Variants in SYN2 observed in about 807,000 individuals in gnomAD.
The protein encoded by SYN2 is synapsin II, also known as synapsin-2.
SYN2 carries 19 observed loss-of-function variants against 50.9 expected under a neutral mutation model. The ratio of observed to expected loss-of-function variants is 0.37; its 90% CI spans 0.26 to 0.55. The LOEUF (loss-of-function observed/expected upper bound fraction) is 0.55. Among genes scored for constraint, SYN2 ranks in the 20% least tolerant of loss-of-function variants. SYN2 has a pLI of 0.81. For synonymous variants in SYN2, 255 were observed against 224.9 expected (o/e 1.13, Z -1.20); for missense variants, 587 against 576.4 (o/e 1.02, Z -0.19).
intron 12 of SYN2, among the ~76,000 whole-genome samples, chr3:12,188,167 C>T (rs1698382921): frequency 6.6e-6 from 1 of 152,234 alleles, no homozygotes; most frequent in African/African-American, 2.4e-5. Flanking sequence ...AGGTCAGTTT[C>T]TGGTGTGGGC....
chr3:12,141,218 C>T (rs1398342181), intron 2 of SYN2, among the ~76,000 whole-genome samples: 1 of 148,764 alleles, frequency 6.7e-6, no homozygotes, highest in Admixed American at 6.6e-5. Flanking sequence ...TTTTTTTAAC[C>T]TTCCTCCATC....
intron 7 of SYN2, among the ~76,000 whole-genome samples, chr3:12,163,111 G>A (rs1030442985): frequency 3.9e-5 from 6 of 151,960 alleles, no homozygotes; most frequent in Non-Finnish European, 7.4e-5. Context: ...ACGTGGTGGT[G>A]GGCGCCTCTA....
intron 1 of SYN2, among the ~76,000 whole-genome samples, chr3:12,093,664 T>G (rs1443324525): frequency 6.6e-6 from 1 of 152,184 alleles, no homozygotes; most frequent in East Asian, 1.9e-4. Flanking sequence ...AATCAGTTGC[T>G]CTCATCACTG....
At chr3:12,114,067 A>C (rs1696380298) in intron 1 of SYN2, among the ~76,000 whole-genome samples, 3 of 150,226 alleles carry the variant, frequency 2.0e-5, no homozygotes, top group African/African-American at 7.3e-5. Flanking sequence ...GAAAGTTTCC[A>C]TTTTTCCACA....
intron 1 of SYN2, chr3:12,070,228 G>A: frequency 2.4e-6 from 1 of 423,972 alleles, no homozygotes; most frequent in Non-Finnish European, 4.7e-6. Context: ...TGTCACAATG[G>A]AAGAAGAGAT....
At chr3:12,007,585 G>C (rs1037353878) in intron 1 of SYN2, among the ~76,000 whole-genome samples, 1 of 152,296 alleles carries the variant, frequency 6.6e-6, no homozygotes, top group Admixed American at 6.5e-5. Context: ...GAGTGATATC[G>C]TATATGCCCT....
chr3:12,190,319 T>C (rs189857376), intron 12 of SYN2, among the ~76,000 whole-genome samples, 171 bp from the exon 13 acceptor site: 40 of 152,278 alleles, frequency 2.6e-4, no homozygotes, highest in Non-Finnish European at 4.7e-4. Flanking sequence ...GGAAGTAGCG[T>C]AGGAGTCTCC....
At chr3:12,095,166 G>A (rs760948765) in intron 1 of SYN2, among the ~76,000 whole-genome samples, 3 of 151,954 alleles carry the variant, frequency 2.0e-5, no homozygotes, top group Non-Finnish European at 4.4e-5. Flanking sequence ...ATGTCACTTT[G>A]TTCTCACCTT....
intron 1 of SYN2, among the ~76,000 whole-genome samples, chr3:12,068,668 T>C (rs1371316736): frequency 6.6e-6 from 1 of 151,894 alleles, no homozygotes; most frequent in South Asian, 2.1e-4. Flanking sequence ...TTTTCTCTTC[T>C]GTTTTTCATT....
intron 1 of SYN2, among the ~76,000 whole-genome samples, chr3:12,135,923 CAAT>C (rs1696885592): frequency 6.6e-6 from 1 of 152,124 alleles, no homozygotes; most frequent in African/African-American, 2.4e-5. Context: ...TATAATCAAA[CAAT>C]AAGACATAAT....
chr3:12,083,067 A>G lies in SYN2; in HGVS notation c.378-57584A>G, dbSNP rs539283399. ...CACTCTGTTGCCCAGACTGGAGTGC[A>G]CTGGTGTGATCTTGGCTCACTGCAA... On this transcript the variant is annotated intron_variant, in intron 1 of 12. Coordinates refer to ENST00000621198, the MANE Select transcript of SYN2 (RefSeq NM_133625.6). 2.0e-5 allele frequency among the ~76,000 whole-genome samples: 3 copies of G among 152,194 alleles called. No individual in the cohort carries two copies. In the East Asian group the frequency reaches 5.8e-4, roughly 29 times the overall value.
chr3:12,140,633 G>T lies in SYN2; in HGVS notation c.378-18G>T. On this transcript the variant is annotated intron_variant, in intron 1 of 12. Coordinates refer to ENST00000621198, the MANE Select transcript of SYN2 (RefSeq NM_133625.6). Reference sequence around the variant, plus strand: ...ACTTGCACAAAACTAATTTGTGTGGGTTTATTCTTTTCTCCAGGGCCAAGT... The same window carrying T: ...ACTTGCACAAAACTAATTTGTGTGGTTTTATTCTTTTCTCCAGGGCCAAGT... The T allele has an allele frequency of 1.3e-6, 1 of 748,400 alleles. No homozygotes were observed. The highest frequency in any genetic ancestry group is 2.5e-6 in the Non-Finnish European group (1 of 400,302). The allele number at this position is 748,400 out of a possible 1,614,324, so 46.4% of individuals were successfully genotyped here.
At chr3:12,119,112 C>T (rs1343537351) in intron 1 of SYN2, among the ~76,000 whole-genome samples, 1 of 152,130 alleles carries the variant, frequency 6.6e-6, no homozygotes. Context: ...AACCTTCATT[C>T]CTGTCCTCAC....
chr3:12,060,224 A>G (rs944911727), intron 1 of SYN2, among the ~76,000 whole-genome samples: 1 of 152,210 alleles, frequency 6.6e-6, no homozygotes, highest in South Asian at 2.1e-4. Context: ...TCACATTTTT[A>G]TAGATTTTAC....
At chr3:12,123,195 T>G (rs1209673517) in intron 1 of SYN2, among the ~76,000 whole-genome samples, 1 of 152,184 alleles carries the variant, frequency 6.6e-6, no homozygotes, top group East Asian at 1.9e-4. Context: ...ACAGAGGTAA[T>G]AGTTGAAGTT....
intron 1 of SYN2, among the ~76,000 whole-genome samples, chr3:12,092,789 C>T (rs529707410): frequency 6.6e-6 from 1 of 152,238 alleles, no homozygotes; most frequent in East Asian, 1.9e-4. Flanking sequence ...TGATTGACCA[C>T]CTTAACATTT....
chr3:12,112,741 A>G (rs1047104879), intron 1 of SYN2, among the ~76,000 whole-genome samples: 2 of 149,746 alleles, frequency 1.3e-5, no homozygotes, highest in Non-Finnish European at 3.0e-5. Context: ...ACATAAACCT[A>G]TTTCTTCTGC....
intron 1 of SYN2, chr3:12,071,144 C>T (rs1271052021): frequency 5.4e-6 from 3 of 556,306 alleles, no homozygotes; most frequent in South Asian, 2.8e-5. Flanking sequence ...TCCAGCGGCA[C>T]TACCATGTAC....
intron 1 of SYN2, among the ~76,000 whole-genome samples, chr3:12,064,394 AT>A (rs1475454738): frequency 1.3e-5 from 2 of 152,088 alleles, no homozygotes; most frequent in African/African-American, 4.8e-5. Context: ...ATATAAATAA[AT>A]TGAACTTCAT....
Sources: allele counts gnomAD v4.1 joint callset (sites outside exome capture counted in the v4.1 genomes callset), GRCh38; gene constraint gnomAD v4.1.1; transcripts MANE v1.5; gene names NCBI Gene and HGNC (gene_info 2026-07-23, HGNC 2026-07-21).